The following SNX29 variants were observed in gnomAD, a reference collection of about 807,000 sequenced individuals.
SNX29 encodes the protein sorting nexin-29.
Under a neutral mutation model 102.1 loss-of-function variants are expected in SNX29, and 78 were observed. That is an observed-to-expected ratio of 0.76 (90% CI 0.64 to 0.92). The LOEUF (loss-of-function observed/expected upper bound fraction) is 0.92, where lower values mean the gene tolerates loss of function less well. Ranked by LOEUF, SNX29 falls within the 40% of genes least tolerant of loss-of-function variation. The pLI, the probability that SNX29 is intolerant of heterozygous loss-of-function variation, is 0.00. For missense variants in SNX29, 1,280 were observed against 1,061.7 expected (o/e 1.21, Z -2.86); for synonymous variants, 580 against 414.5 (o/e 1.40, Z -4.85).
chr16:12,269,867 T>G (rs2079040261), intron 14 of SNX29, among the ~76,000 whole-genome samples: 1 of 151,964 alleles, frequency 6.6e-6, no homozygotes, highest in South Asian at 2.1e-4. Context: ...ATCATTATTA[T>G]TATTATTATT....
In SNX29 at chr16:12,046,033, CA is replaced by C. The variant is rs550297874; in HGVS notation, c.429-350del. Among the ~76,000 whole-genome samples the C allele has an allele frequency of 1.4e-3, 210 of 152,326 alleles. 1 individual carries two copies. Among genetic ancestry groups the C allele is most frequent in the Middle Eastern group, 3.4e-3 (1 of 294 alleles). ...AGGCAAATCAGGCGAGCCCTGTTGGCAGGCTTGGATTTCCTGTCTGTCTCTT... is the reference window on the plus strand; with the variant it reads ...AGGCAAATCAGGCGAGCCCTGTTGGCGGCTTGGATTTCCTGTCTGTCTCTT... On this transcript the variant is annotated intron_variant, in intron 5 of 20. Transcript: ENST00000566228.
intron 16 of SNX29, among the ~76,000 whole-genome samples, chr16:12,390,180 G>GTGTGTGTATGTA (rs767732308): frequency 6.7e-6 from 1 of 148,880 alleles, no homozygotes; most frequent in Non-Finnish European, 1.5e-5. Context: ...GTGTGTGTGT[G>GTGTGTGTATGTA]TATGTATATG....
At chr16:12,124,432 G>A (rs1259757464) in intron 11 of SNX29, among the ~76,000 whole-genome samples, 3 of 151,922 alleles carry the variant, frequency 2.0e-5, no homozygotes, top group Admixed American at 6.6e-5. Flanking sequence ...CACAAACAAT[G>A]GACCAGTTTT....
At chr16:12,524,989 A>G in intron 20 of SNX29, 148 bp downstream of exon 20, 1 of 1,159,928 alleles carries the variant, frequency 8.6e-7, no homozygotes, top group Non-Finnish European at 1.2e-6. Context: ...TCCAGGTGCC[A>G]AAGTGGAGGT....
intron 19 of SNX29, among the ~76,000 whole-genome samples, chr16:12,488,029 G>A (rs1187120838): frequency 1.3e-5 from 2 of 152,164 alleles, no homozygotes; most frequent in Non-Finnish European, 2.9e-5. Context: ...ACCTTGGTGA[G>A]CTTCAGACTC....
rs144061927 is a variant in SNX29, at chr16:12,472,946, C to A, written c.2038-4773C>A. On this transcript the variant is annotated intron_variant, in intron 18 of 20. Transcript: ENST00000566228. The stretch of plus-strand genomic sequence containing the variant: ...CTTCTTTTGCTGAGTCAAGGAGATC[C>A]GACATAAAGTGGCTTTTTATTGCTT... Among the ~76,000 whole-genome samples the A allele has an allele frequency of 1.7e-3, 259 of 152,174 alleles. 2 individuals carry two copies. The highest frequency in any genetic ancestry group is 6.1e-3 in the African/African-American group (253 of 41,508).
chr16:12,228,557 A>C lies in SNX29; in HGVS notation c.1678+28874A>C, dbSNP rs113525906. On this transcript the variant is annotated intron_variant, in intron 14 of 20. Coordinates refer to ENST00000566228, the MANE Select transcript of SNX29 (RefSeq NM_032167.5). Reference sequence around the variant, plus strand: ...ATGCTCAAGATATTTTCCTGCTTAAAACCCTTCAGTGACTTCCCGTTGCAA... The same window carrying C: ...ATGCTCAAGATATTTTCCTGCTTAACACCCTTCAGTGACTTCCCGTTGCAA... Among the ~76,000 whole-genome samples the C allele has an allele frequency of 2.5e-3, 383 of 152,326 alleles. 1 individual carries two copies. Among genetic ancestry groups the C allele is most frequent in the South Asian group, 0.011 (52 of 4,822 alleles).
chr16:12,013,533 ATATATATATC>A (rs2056746436), intron 3 of SNX29, among the ~76,000 whole-genome samples: 7 of 120,266 alleles, frequency 5.8e-5, no homozygotes, highest in South Asian at 2.8e-4. Flanking sequence ...ATATATATAT[ATATATATATC>A]GAGAGAGGAG....
Position 12,559,962 on chromosome 16 carries a change from G to T in SNX29, c.2319-8544G>T, listed in dbSNP as rs116723186. Among the ~76,000 whole-genome samples, 594 of 152,290 alleles carry T rather than the reference G, an allele frequency of 3.9e-3. 2 individuals carry two copies. The highest frequency in any genetic ancestry group is 0.013 in the African/African-American group (524 of 41,552). On this transcript the variant is annotated intron_variant, in intron 20 of 20. Coordinates refer to ENST00000566228, the MANE Select transcript of SNX29 (RefSeq NM_032167.5). ...TCACTGCACTCCAGCCTGGGCAACA[G>T]AGCAAGACTCCACCACGAAAAAAAG...
At chr16:12,385,611 A>G (rs2083313517) in intron 16 of SNX29, among the ~76,000 whole-genome samples, 1 of 152,192 alleles carries the variant, frequency 6.6e-6, no homozygotes, top group Admixed American at 6.5e-5. Context: ...AGGGGGCTGT[A>G]GTTACCTCCC....
At chr16:12,227,924 AAAG>A (rs2077660653) in intron 14 of SNX29, among the ~76,000 whole-genome samples, 3 of 149,118 alleles carry the variant, frequency 2.0e-5, no homozygotes, top group Admixed American at 6.7e-5. Context: ...AAAAAAAAAA[AAAG>A]ACCGAAGTGA....
At chr16:12,160,508 C>G (rs997936478) in intron 13 of SNX29, among the ~76,000 whole-genome samples, 3 of 152,196 alleles carry the variant, frequency 2.0e-5, no homozygotes, top group East Asian at 3.9e-4. Context: ...CTAGGATAAG[C>G]AAATTTCTAG....
intron 15 of SNX29, among the ~76,000 whole-genome samples, chr16:12,282,433 G>A (rs2079464776): frequency 6.6e-6 from 1 of 152,214 alleles, no homozygotes; most frequent in Non-Finnish European, 1.5e-5. Context: ...TAGCAGAACA[G>A]CAGAGTGAGA....
chr16:12,550,219 C>T lies in SNX29; in HGVS notation c.2319-18287C>T, dbSNP rs571980686. Among the ~76,000 whole-genome samples the T allele has an allele frequency of 3.3e-5, 5 of 152,196 alleles. No individual in the cohort carries two copies. In the South Asian group the frequency reaches 1.0e-3, roughly 32 times the overall value. ...GAGGATAAAGCATGGAAGAGTACCA[C>T]ACAATACCTTTCTAATTTTAGAAAT... On this transcript the variant is annotated intron_variant, in intron 20 of 20. Coordinates refer to ENST00000566228, the MANE Select transcript of SNX29 (RefSeq NM_032167.5).
intron 18 of SNX29, among the ~76,000 whole-genome samples, chr16:12,476,437 T>TAC: frequency 1.1e-5 from 1 of 92,606 alleles, no homozygotes; most frequent in Non-Finnish European, 2.0e-5. Flanking sequence ...TATATATATA[T>TAC]ATATATGATG....
In SNX29 at chr16:12,336,205, G is replaced by A. The variant is rs536652681; in HGVS notation, c.1783-19958G>A. On this transcript the variant is annotated intron_variant, in intron 15 of 20. Transcript: ENST00000566228. ...GGAGGTTGAAATGGCTTCATATTGC[G>A]GGTCTTCCAGCCTGTAGGGAGAAAG... 9.7e-4 allele frequency among the ~76,000 whole-genome samples: 148 copies of A among 151,934 alleles called. 1 individual carries two copies. The highest frequency in any genetic ancestry group is 3.4e-3 in the African/African-American group (140 of 41,522).
At chr16:12,222,237 T>A (rs988348157) in intron 14 of SNX29, among the ~76,000 whole-genome samples, 1 of 152,134 alleles carries the variant, frequency 6.6e-6, no homozygotes, top group African/African-American at 2.4e-5. Context: ...TTACATTGAT[T>A]TCTGATGGGT....
chr16:12,299,779 AT>A (rs61233917), intron 15 of SNX29, among the ~76,000 whole-genome samples: 32,717 of 131,230 alleles, frequency 0.25, 5,897 homozygotes, highest in African/African-American at 0.52. Context: ...CAAATTTCGA[AT>A]TTTTTTTTTT....
At chr16:12,338,728 G>A (rs2081526068) in intron 15 of SNX29, among the ~76,000 whole-genome samples, 1 of 152,140 alleles carries the variant, frequency 6.6e-6, no homozygotes, top group Non-Finnish European at 1.5e-5. Context: ...CTTCCTGGGT[G>A]GCAGGGGCCT....
Sources: gnomAD v4.1 joint callset for allele counts (sites outside exome capture counted in the v4.1 genomes callset) on GRCh38, gnomAD v4.1.1 for gene constraint, MANE v1.5 for transcripts, NCBI Gene and HGNC (gene_info 2026-07-23, HGNC 2026-07-21) for gene names.